PTPRN2: variants seen among roughly 807,000 people sequenced by gnomAD.
PTPRN2 encodes receptor-type tyrosine-protein phosphatase N2.
In PTPRN2, 74 loss-of-function variants were observed where a neutral mutation model predicts 118.8. The observed-to-expected ratio is 0.62, with a 90% CI of 0.52 to 0.76. The LOEUF (loss-of-function observed/expected upper bound fraction) is 0.76. Ranked by LOEUF, PTPRN2 falls within the 30% of genes least tolerant of loss-of-function variation. PTPRN2 has a pLI of 0.00. For synonymous variants in PTPRN2, 641 were observed against 608.0 expected (o/e 1.05, Z -0.80); for missense variants, 1,481 against 1,394.4 (o/e 1.06, Z -0.99).
intron 10 of PTPRN2, among the ~76,000 whole-genome samples, chr7:158,110,081 G>A (rs539176971): frequency 4.6e-5 from 7 of 152,194 alleles, no homozygotes; most frequent in East Asian, 1.9e-4. Flanking sequence ...GGCACCCCTC[G>A]GTCCACAGGC....
chr7:158,182,133 G>A (rs1824762731), intron 5 of PTPRN2, among the ~76,000 whole-genome samples: 1 of 152,098 alleles, frequency 6.6e-6, no homozygotes, highest in African/African-American at 2.4e-5. Flanking sequence ...TCATTTCAAA[G>A]AATTTGTAAA....
chr7:158,462,833 A>G (rs192316489), intron 2 of PTPRN2, among the ~76,000 whole-genome samples: 20 of 152,328 alleles, frequency 1.3e-4, no homozygotes, highest in African/African-American at 4.6e-4. Context: ...GAAGGTTGGG[A>G]CACAGACCCC....
intron 1 of PTPRN2, among the ~76,000 whole-genome samples, chr7:158,553,847 T>C (rs1296276870): frequency 6.6e-6 from 1 of 151,014 alleles, no homozygotes; most frequent in Admixed American, 6.6e-5. Context: ...AACACATGCA[T>C]TTGGAGGGCT....
chr7:157,886,354 G>C (rs148492589), intron 12 of PTPRN2, among the ~76,000 whole-genome samples: 2 of 152,270 alleles, frequency 1.3e-5, no homozygotes, highest in African/African-American at 4.8e-5. Context: ...GAAAATGTTA[G>C]AAAAGGGCAC....
In PTPRN2 at chr7:158,587,768, C is replaced by G; in HGVS notation, c.-99G>C. 9.8e-7 allele frequency: 1 copy of G among 1,024,708 alleles called. No homozygotes were observed. The highest frequency in any genetic ancestry group is 1.2e-6 in the Non-Finnish European group (1 of 855,668). 63.5% of individuals were successfully genotyped at this position (1,024,708 alleles called of 1,614,324 possible). On this transcript the variant is annotated 5_prime_UTR_variant, in exon 1 of 23. Coordinates refer to ENST00000389418, the MANE Select transcript of PTPRN2 (RefSeq NM_002847.5). ...AGGGAGGCGCGCGCCGCCGGCTCCTCCCGCCGCGCCTCTCGCGCTCTTGCG... is the reference window on the plus strand; with the variant it reads ...AGGGAGGCGCGCGCCGCCGGCTCCTGCCGCCGCGCCTCTCGCGCTCTTGCG...
At chr7:158,456,584 T>C (rs962035060) in intron 2 of PTPRN2, among the ~76,000 whole-genome samples, 1 of 151,976 alleles carries the variant, frequency 6.6e-6, no homozygotes, top group Admixed American at 6.5e-5. Context: ...CGGCCCCCCA[T>C]TGCTCCGCAG....
At chr7:158,527,785 G>A (rs1197003823) in intron 1 of PTPRN2, among the ~76,000 whole-genome samples, 1 of 152,142 alleles carries the variant, frequency 6.6e-6, no homozygotes, top group Non-Finnish European at 1.5e-5. Context: ...GGGCCAGGCT[G>A]TCCTCCGCCA....
chr7:157,935,448 C>T (rs532436032), intron 11 of PTPRN2, among the ~76,000 whole-genome samples: 6 of 152,178 alleles, frequency 3.9e-5, no homozygotes, highest in South Asian at 4.2e-4. Flanking sequence ...TCCCATCTTA[C>T]AAGCTCTCCT....
chr7:158,271,208 C>T (rs1255314627), intron 3 of PTPRN2, among the ~76,000 whole-genome samples: 3 of 152,086 alleles, frequency 2.0e-5, no homozygotes, highest in Admixed American at 6.5e-5. Context: ...TCACGTGCTG[C>T]TTCTCTTGTG....
rs76524890 is a variant in PTPRN2 at position 157,745,660 on chromosome 7, G to A, written c.1789-62723C>T. Among the ~76,000 whole-genome samples, 1,061 of 152,256 alleles carry A rather than the reference G, an allele frequency of 7.0e-3. 27 individuals carry two copies. Among genetic ancestry groups the A allele is most frequent in the East Asian group, 0.066 (342 of 5,180 alleles). On this transcript the variant is annotated intron_variant, in intron 12 of 22. Coordinates refer to ENST00000389418, the MANE Select transcript of PTPRN2 (RefSeq NM_002847.5). Reference sequence around the variant, plus strand: ...GCATCTGCAGGGCAGGCTGGAGGCCGCTGCTTTGCTCTCAAATGTCAGCAT... The same window carrying A: ...GCATCTGCAGGGCAGGCTGGAGGCCACTGCTTTGCTCTCAAATGTCAGCAT...
At position 158,555,142 on chromosome 7, in the gene PTPRN2, G is replaced by A. The variant is rs1826890414; in HGVS notation, c.112+32416C>T. On this transcript the variant is annotated intron_variant, in intron 1 of 22. Transcript: ENST00000389418. The surrounding 1 kb of genome is among the most constrained non-coding windows in gnomAD (Gnocchi z 4.7). ...GAGAGGAAAGCCTGTGAGAACAAAC[G>A]GATCTCCGGTGCTCAGCAGACTGAT... 1.3e-5 allele frequency among the ~76,000 whole-genome samples: 2 copies of A among 152,134 alleles called. No individual in the cohort carries two copies. The highest frequency in any genetic ancestry group is 6.6e-5 in the Admixed American group (1 of 15,258).
At chr7:158,257,833 G>T (rs1411685379) in intron 3 of PTPRN2, among the ~76,000 whole-genome samples, 5 of 152,246 alleles carry the variant, frequency 3.3e-5, no homozygotes, top group Non-Finnish European at 5.9e-5. Flanking sequence ...AGAGGAGCTG[G>T]TGAGGGCCAC....
chr7:157,909,884 G>C (rs1797985228), intron 11 of PTPRN2, among the ~76,000 whole-genome samples: 1 of 152,246 alleles, frequency 6.6e-6, no homozygotes. Flanking sequence ...ATTATCTGTT[G>C]AGGGAATGAA....
intron 3 of PTPRN2, among the ~76,000 whole-genome samples, chr7:158,295,712 G>C (rs1800449413): frequency 6.8e-6 from 1 of 147,830 alleles, no homozygotes; most frequent in African/African-American, 2.5e-5. Context: ...GCCTTTCTGA[G>C]GGTCTAAGCC....
At chr7:158,123,587 C>A (rs368326964) in intron 9 of PTPRN2, among the ~76,000 whole-genome samples, 1 of 152,078 alleles carries the variant, frequency 6.6e-6, no homozygotes, top group African/African-American at 2.4e-5. Context: ...CCCAGGCCAA[C>A]GACCCTGGAC....
chr7:157,814,519 C>T (rs1045348056), intron 12 of PTPRN2, among the ~76,000 whole-genome samples: 8 of 111,600 alleles, frequency 7.2e-5, no homozygotes, highest in Admixed American at 4.6e-4. Context: ...CGGGGCAGGA[C>T]GGGGACAGGC....
At chr7:157,811,933 T>C (rs1298836348) in intron 12 of PTPRN2, among the ~76,000 whole-genome samples, 1 of 152,032 alleles carries the variant, frequency 6.6e-6, no homozygotes, top group African/African-American at 2.4e-5. Flanking sequence ...CTCCGACAGG[T>C]GATAGGGCGA....
intron 11 of PTPRN2, among the ~76,000 whole-genome samples, chr7:158,079,180 A>G (rs1812608540): frequency 6.6e-6 from 1 of 152,186 alleles, no homozygotes; most frequent in African/African-American, 2.4e-5. Flanking sequence ...CGTTCATGAC[A>G]CCATAGAATT....
chr7:158,337,763 C>A (rs1259919329), intron 2 of PTPRN2, among the ~76,000 whole-genome samples: 1 of 118,070 alleles, frequency 8.5e-6, no homozygotes, highest in Non-Finnish European at 1.8e-5. Flanking sequence ...AGAGGTGACA[C>A]CTGCAAACGT....
Sources: allele counts gnomAD v4.1 joint callset (sites outside exome capture counted in the v4.1 genomes callset), GRCh38; gene constraint gnomAD v4.1.1; non-coding constraint Gnocchi (gnomAD v3.1); transcripts MANE v1.5; gene names NCBI Gene and HGNC (gene_info 2026-07-23, HGNC 2026-07-21).